The following EIF4E2 variants were observed in gnomAD, a reference collection of about 807,000 sequenced individuals.
EIF4E2 encodes the protein eukaryotic translation initiation factor 4E family member 2.
Under a neutral mutation model 34.2 loss-of-function variants are expected in EIF4E2, and 13 were observed. The ratio of observed to expected loss-of-function variants is 0.38; its 90% confidence interval spans 0.25 to 0.60. The LOEUF (loss-of-function observed/expected upper bound fraction) is 0.60, where lower values mean the gene tolerates loss of function less well. Among genes scored for constraint, EIF4E2 ranks in the 20% least tolerant of loss-of-function variants. EIF4E2 has a pLI of 0.62. For missense variants in EIF4E2, 222 were observed against 315.1 expected (o/e 0.70, Z 2.24); for synonymous variants, 100 against 106.6 (o/e 0.94, Z 0.38).
At position 232,566,099 on chromosome 2, in the gene EIF4E2, A is replaced by G. The variant is rs537410290; in HGVS notation, c.376-730A>G. 4.1e-5 allele frequency among the ~76,000 whole-genome samples: 6 copies of G among 145,390 alleles called. No individual in the cohort carries two copies. The East Asian group carries it at 1.0e-3, about 24-fold the overall frequency. On this transcript the variant is annotated intron_variant, in intron 4 of 6. Coordinates refer to ENST00000258416, the MANE Select transcript of EIF4E2 (RefSeq NM_004846.4). This position sits in a 1 kb window ranked among gnomAD's most constrained non-coding sequence, Gnocchi z 4.9. ...AGCGGGAGACTCCATCGCAAAAAAG[A>G]AAAAAAAAAAAACTAGATTGGGGCT...
intron 3 of EIF4E2, among the ~76,000 whole-genome samples, chr2:232,563,518 C>T (rs1011350557): frequency 5.9e-5 from 9 of 152,022 alleles, no homozygotes; most frequent in Middle Eastern, 3.4e-3. Flanking sequence ...TGTGAAGGAG[C>T]GGCAAGGAGA....
At chr2:232,564,115 A>G in intron 3 of EIF4E2, 132 bp from the exon 4 acceptor site, 2 of 465,098 alleles carry the variant, frequency 4.3e-6, no homozygotes, top group Non-Finnish European at 3.8e-6. Flanking sequence ...CATGAAAATG[A>G]GTCCTCTGAA....
chr2:232,579,867 T>C (rs1693304379), intron 6 of EIF4E2, among the ~76,000 whole-genome samples: 1 of 151,944 alleles, frequency 6.6e-6, no homozygotes, highest in African/African-American at 2.4e-5. Context: ...CCAGGTAAAA[T>C]TTTCTGACAA....
intron 6 of EIF4E2, chr2:232,567,631 G>C: frequency 9.2e-7 from 1 of 1,081,252 alleles, no homozygotes; most frequent in Middle Eastern, 4.2e-4. Flanking sequence ...TATTTTCTTT[G>C]TCCTGGGATA....
At chr2:232,551,066 C>T (rs1363774563) in intron 1 of EIF4E2, 4 of 628,818 alleles carry the variant, frequency 6.4e-6, no homozygotes. Flanking sequence ...GGGGTGGGGA[C>T]CTCGGCGGTT....
At chr2:232,559,421 T>C (rs1041045917) in intron 3 of EIF4E2, among the ~76,000 whole-genome samples, 1 of 145,690 alleles carries the variant, frequency 6.9e-6, no homozygotes, top group African/African-American at 2.6e-5. Context: ...TACTTTTTTT[T>C]AAAGTGCTTT....
exon 7 of EIF4E2, chr2:232,583,295 G>A (rs4973545): frequency 0.01 from 778 of 76,480 alleles, 30 homozygotes; most frequent in Admixed American, 0.091. Flanking sequence ...CACAGTTGGA[G>A]CTGTTCTCCT....
downstream of EIF4E2, among the ~76,000 whole-genome samples, chr2:232,570,731 T>TCAGG (rs571995845): frequency 2.5e-3 from 383 of 152,148 alleles, 2 homozygotes; most frequent in African/African-American, 8.4e-3. Context: ...GATCACAAGG[T>TCAGG]CAGGAGACCA....
intron 6 of EIF4E2, among the ~76,000 whole-genome samples, chr2:232,576,943 T>C (rs1209673755): frequency 6.6e-6 from 1 of 152,248 alleles, no homozygotes; most frequent in Non-Finnish European, 1.5e-5. Flanking sequence ...TTATCTGCTA[T>C]TTTATGTCAT....
intron 3 of EIF4E2, among the ~76,000 whole-genome samples, chr2:232,562,321 C>G (rs1388555523): frequency 6.6e-6 from 1 of 152,106 alleles, no homozygotes; most frequent in Non-Finnish European, 1.5e-5. Flanking sequence ...TGGCTCACGC[C>G]TGTAATCACA....
At position 232,562,132 on chromosome 2, in the gene EIF4E2, T is replaced by C. The variant is rs1277939969; in HGVS notation, c.271-2115T>C. On this transcript the variant is annotated intron_variant, in intron 3 of 6. Coordinates refer to ENST00000258416, the MANE Select transcript of EIF4E2 (RefSeq NM_004846.4). ...CAGGAGGCTGAGGCAGGAGGATTGC[T>C]TGAGCCTGGGAAGTCGAGGCTGCAG... Among the ~76,000 whole-genome samples the C allele has an allele frequency of 2.0e-5, 3 of 152,074 alleles. No individual in the cohort carries two copies. In the South Asian group the frequency reaches 6.2e-4, roughly 31 times the overall value.
intron 3 of EIF4E2, among the ~76,000 whole-genome samples, chr2:232,562,863 G>T (rs1383230374): frequency 2.0e-5 from 3 of 152,230 alleles, no homozygotes; most frequent in Non-Finnish European, 2.9e-5. Flanking sequence ...GTCACTACAT[G>T]CAGCTAAGCT....
At chr2:232,559,054 G>A (rs1287619353) in intron 3 of EIF4E2, among the ~76,000 whole-genome samples, 1 of 149,926 alleles carries the variant, frequency 6.7e-6, no homozygotes, top group East Asian at 2.0e-4. Flanking sequence ...TGAAGTATTA[G>A]TCCTGTTTAA....
Position 232,581,043 on chromosome 2 carries a change from G to T in EIF4E2, c.*100G>T. Reference sequence around the variant, plus strand: ...TCCTTCCATTGCTCACTGAAGGGACGTCCCTGAGCCGTGCGCTCTCCTTTT... The same window carrying T: ...TCCTTCCATTGCTCACTGAAGGGACTTCCCTGAGCCGTGCGCTCTCCTTTT... On this transcript the variant is annotated 3_prime_UTR_variant, in exon 7 of 7. Transcript: ENST00000409098. This position sits in a 1 kb window ranked among gnomAD's most constrained non-coding sequence, Gnocchi z 5.2. The T allele has an allele frequency of 1.6e-6, 2 of 1,213,450 alleles. No individual in the cohort carries two copies. Among genetic ancestry groups the T allele is most frequent in the East Asian group, 5.1e-5 (2 of 39,308 alleles). The allele number at this position is 1,213,450 out of a possible 1,614,324, so 75.2% of individuals were successfully genotyped here.
intron 6 of EIF4E2, among the ~76,000 whole-genome samples, chr2:232,578,491 CGTGGTG>C (rs896834771): frequency 7.2e-5 from 11 of 151,866 alleles, no homozygotes; most frequent in Non-Finnish European, 1.2e-4. Flanking sequence ...ATTAGCTGGG[CGTGGTG>C]GTGCACGCCT....
chr2:232,566,392 G>A lies in EIF4E2; in HGVS notation c.376-437G>A, dbSNP rs1003674329. Among the ~76,000 whole-genome samples the A allele has an allele frequency of 3.3e-5, 5 of 152,174 alleles. No homozygotes were observed. The highest frequency in any genetic ancestry group is 5.9e-5 in the Non-Finnish European group (4 of 68,030). ...TTTTTAGTAGAGACGCGGTTTCACC[G>A]TGTCAGCCAGGATGGTCTCGATCTC... On this transcript the variant is annotated intron_variant, in intron 4 of 6. Transcript: ENST00000258416. This position sits in a 1 kb window ranked among gnomAD's most constrained non-coding sequence, Gnocchi z 4.9.
intron 1 of EIF4E2, chr2:232,553,982 T>C (rs1692432080): frequency 6.6e-6 from 1 of 152,198 alleles, no homozygotes; most frequent in African/African-American, 2.4e-5. Context: ...CCAGAGGCTA[T>C]AGTGGGAGTT....
chr2:232,560,841 A>G (rs1036196434), intron 3 of EIF4E2, among the ~76,000 whole-genome samples: 8 of 152,214 alleles, frequency 5.3e-5, no homozygotes, highest in African/African-American at 1.9e-4. Context: ...TGCCAGTGCT[A>G]TCTTAGAATC....
chr2:232,559,488 A>T (rs1160299273), intron 3 of EIF4E2, among the ~76,000 whole-genome samples: 1 of 152,348 alleles, frequency 6.6e-6, no homozygotes, highest in East Asian at 1.9e-4. Context: ...AGAATACTCC[A>T]GTAGGAAATA....
Sources: allele counts gnomAD v4.1 joint callset (sites outside exome capture counted in the v4.1 genomes callset), GRCh38; gene constraint gnomAD v4.1.1; non-coding constraint Gnocchi (gnomAD v3.1); transcripts MANE v1.5; gene names NCBI Gene and HGNC (gene_info 2026-07-23, HGNC 2026-07-21).